The following ATP8A1 variants were observed in gnomAD, a reference collection of about 807,000 sequenced individuals.
The protein encoded by ATP8A1 is ATPase phospholipid transporting 8A1.
In ATP8A1, 90 loss-of-function variants were observed where a neutral mutation model predicts 177.7. The observed-to-expected ratio is 0.51, with a 90% CI of 0.43 to 0.60. The LOEUF (loss-of-function observed/expected upper bound fraction) is 0.60. Ranked by LOEUF, ATP8A1 falls within the 20% of genes least tolerant of loss-of-function variation. The pLI, the probability that ATP8A1 is intolerant of heterozygous loss-of-function variation, is 0.00. For synonymous variants in ATP8A1, 493 were observed against 485.9 expected (o/e 1.01, Z -0.19); for missense variants, 1,072 against 1,392.8 (o/e 0.77, Z 3.67).
intron 31 of ATP8A1, among the ~76,000 whole-genome samples, chr4:42,445,710 A>T (rs1379555650): frequency 3.3e-5 from 5 of 152,222 alleles, no homozygotes; most frequent in Non-Finnish European, 7.3e-5. Flanking sequence ...AGGATAGCTA[A>T]TGGCAATTTA....
At chr4:42,610,580 T>C (rs1374934074) in intron 5 of ATP8A1, among the ~76,000 whole-genome samples, 1 of 116,600 alleles carries the variant, frequency 8.6e-6, no homozygotes, top group Non-Finnish European at 2.0e-5. Flanking sequence ...CTCCTTTGTG[T>C]GCAAAAAAAA....
intron 19 of ATP8A1, 81 bp downstream of exon 19, chr4:42,548,928 ATACT>A: frequency 1.8e-6 from 2 of 1,084,578 alleles, no homozygotes; most frequent in Non-Finnish European, 1.3e-6. Context: ...AAAACAAAAC[ATACT>A]TTCTAGTTAT....
intron 35 of ATP8A1, among the ~76,000 whole-genome samples, chr4:42,420,409 A>G (rs1227626346): frequency 1.3e-5 from 2 of 152,242 alleles, no homozygotes; most frequent in East Asian, 3.8e-4. Context: ...GCGAGGCAGC[A>G]GCAGGGAATT....
intron 25 of ATP8A1, among the ~76,000 whole-genome samples, chr4:42,482,342 AAAAAG>A (rs1024341907): frequency 2.6e-5 from 4 of 151,216 alleles, no homozygotes; most frequent in African/African-American, 7.3e-5. Flanking sequence ...AACAAAAAAA[AAAAAG>A]AAAAGAAAAT....
chr4:42,414,766 G>T, intron 35 of ATP8A1, 48 bp from the exon 36 acceptor site: 1 of 1,438,902 alleles, frequency 6.9e-7, no homozygotes, highest in South Asian at 1.1e-5. Flanking sequence ...ACTCGGCAGA[G>T]ACCCCAGTGT....
intron 25 of ATP8A1, among the ~76,000 whole-genome samples, chr4:42,476,788 C>T (rs1174008334): frequency 1.3e-5 from 2 of 152,078 alleles, no homozygotes; most frequent in African/African-American, 2.4e-5. Context: ...CTAGAAGACA[C>T]CTGCTACATC....
At chr4:42,532,115 CACACACAGACACAG>C (rs1233347847) in intron 20 of ATP8A1, among the ~76,000 whole-genome samples, 1 of 151,906 alleles carries the variant, frequency 6.6e-6, no homozygotes, top group Non-Finnish European at 1.5e-5. Context: ...AAAATACACA[CACACACAGACACAG>C]ACACACAGAC....
intron 22 of ATP8A1, among the ~76,000 whole-genome samples, 157 bp from the exon 23 acceptor site, chr4:42,507,311 C>T (rs771524196): frequency 1.3e-5 from 2 of 152,146 alleles, no homozygotes; most frequent in Non-Finnish European, 2.9e-5. Flanking sequence ...TCTGAAATAT[C>T]CTTGACTTTC....
chr4:42,600,835 C>A (rs770141389), intron 5 of ATP8A1, among the ~76,000 whole-genome samples: 68 of 151,970 alleles, frequency 4.5e-4, no homozygotes, highest in Middle Eastern at 3.4e-3. Flanking sequence ...AAAAAGGAAG[C>A]GACAAGCTTA....
intron 25 of ATP8A1, among the ~76,000 whole-genome samples, chr4:42,474,666 G>T (rs1489225634): frequency 6.6e-6 from 1 of 152,152 alleles, no homozygotes; most frequent in Non-Finnish European, 1.5e-5. Context: ...TCAGAGTGCA[G>T]CTGCCTCTAA....
chr4:42,654,524 C>T (rs376816313), intron 1 of ATP8A1, among the ~76,000 whole-genome samples: 48 of 152,304 alleles, frequency 3.2e-4, no homozygotes, highest in African/African-American at 9.9e-4. Context: ...TCTGCCCATC[C>T]ATTCCATTTT....
intron 30 of ATP8A1, among the ~76,000 whole-genome samples, chr4:42,451,307 C>T (rs150236903): frequency 2.6e-5 from 4 of 152,058 alleles, no homozygotes; most frequent in South Asian, 2.1e-4. Flanking sequence ...TTTTGATTAC[C>T]GTAGTATTGA....
intron 25 of ATP8A1, among the ~76,000 whole-genome samples, chr4:42,468,664 G>A (rs1577994231): frequency 1.3e-5 from 2 of 152,210 alleles, no homozygotes; most frequent in South Asian, 4.1e-4. Context: ...ATGGACTTTG[G>A]GGACTCAGGG....
chr4:42,627,033 G>C lies in ATP8A1; in HGVS notation c.126C>G (p.Asn42Lys). Residue 42 changes from asparagine (N) to lysine (K), a missense_variant, in exon 2 of 37, where the codon AAC becomes AAG. This residue lies in a region of ATP8A1 where 344 missense variants were observed against 393.5 expected (regional missense o/e 0.87). Coordinates refer to ENST00000381668, the MANE Select transcript of ATP8A1 (RefSeq NM_006095.2). ...DQEEVRTIFI[N>K]QPQLTKFCNN... is the part of the protein sequence containing the mutation. ...TGCAGAATTTTGTCAGCTGGGGCTG[G>C]TTGATGAAAATAGTCCTTACTTCCT... 4 of 1,614,084 alleles carry C rather than the reference G, an allele frequency of 2.5e-6. No individual in the cohort carries two copies. Among genetic ancestry groups the C allele is most frequent in the Non-Finnish European group, 3.4e-6 (4 of 1,179,976 alleles).
chr4:42,521,235 G>C (rs911920646), intron 22 of ATP8A1, among the ~76,000 whole-genome samples: 24 of 152,196 alleles, frequency 1.6e-4, no homozygotes, highest in Admixed American at 1.5e-3. Flanking sequence ...CTAGAGGTTA[G>C]AATGAAGTCA....
intron 1 of ATP8A1, among the ~76,000 whole-genome samples, chr4:42,631,671 T>C (rs1311456042): frequency 6.6e-6 from 1 of 152,204 alleles, no homozygotes; most frequent in Non-Finnish European, 1.5e-5. Context: ...AGAGTGCTGA[T>C]AATGTTTAAC....
intron 4 of ATP8A1, among the ~76,000 whole-genome samples, chr4:42,620,256 A>C (rs1167492795): frequency 6.6e-6 from 1 of 152,182 alleles, no homozygotes; most frequent in African/African-American, 2.4e-5. Flanking sequence ...CTATCACTTT[A>C]CAGTTTGGCA....
intron 22 of ATP8A1, among the ~76,000 whole-genome samples, chr4:42,513,151 G>A (rs917909974): frequency 7.9e-5 from 12 of 152,032 alleles, no homozygotes; most frequent in Admixed American, 6.6e-5. Flanking sequence ...TCTGATCACC[G>A]TAGACATCCC....
intron 11 of ATP8A1, 121 bp from the exon 12 acceptor site, chr4:42,578,508 C>A: frequency 9.2e-7 from 1 of 1,083,954 alleles, no homozygotes; most frequent in South Asian, 1.6e-5. Context: ...GGGAGGAACA[C>A]TTTGCTGATA....
Sources: gnomAD v4.1 joint callset for allele counts (sites outside exome capture counted in the v4.1 genomes callset) on GRCh38, gnomAD v4.1.1 for gene constraint, gnomAD v4.1.1 regional missense constraint, MANE v1.5 for transcripts, NCBI Gene and HGNC (gene_info 2026-07-23, HGNC 2026-07-21) for gene names.